The following ZNF385D variants were observed in gnomAD, a reference collection of about 807,000 sequenced individuals.
ZNF385D encodes zinc finger protein 659.
In ZNF385D, 15 loss-of-function variants were observed where a neutral mutation model predicts 35.8. The ratio of observed to expected loss-of-function variants is 0.42; its 90% CI spans 0.28 to 0.64. The LOEUF is 0.64. ZNF385D is among the 30% of genes least tolerant of loss of function. The probability of loss-of-function intolerance (pLI) is 0.23; values close to 1 mark genes in which losing one functional copy is unlikely to be tolerated. For missense variants in ZNF385D, 474 were observed against 494.6 expected (o/e 0.96, Z 0.39); for synonymous variants, 212 against 186.8 (o/e 1.13, Z -1.10).
chr3:22,358,046 GT>G (rs1487720666), intron 2 of ZNF385D, among the ~76,000 whole-genome samples: 1 of 151,854 alleles, frequency 6.6e-6, no homozygotes, highest in Non-Finnish European at 1.5e-5. Context: ...TATTTCCAAA[GT>G]TTGTACCTTA....
intron 3 of ZNF385D, among the ~76,000 whole-genome samples, chr3:21,951,498 A>G (rs146225647): frequency 2.0e-5 from 3 of 151,852 alleles, no homozygotes; most frequent in Non-Finnish European, 2.9e-5. Flanking sequence ...ATCTGCAAAC[A>G]CAGACAATTT....
chr3:21,810,546 A>G (rs1050677301), intron 3 of ZNF385D, among the ~76,000 whole-genome samples: 4 of 151,724 alleles, frequency 2.6e-5, no homozygotes, highest in Admixed American at 6.6e-5. Flanking sequence ...ATGTGTGTGT[A>G]TGTATGTATG....
intron 2 of ZNF385D, chr3:21,580,081 T>C (rs1016479792): frequency 1.3e-5 from 2 of 152,184 alleles, no homozygotes; most frequent in Non-Finnish European, 2.9e-5. Flanking sequence ...TGGGAAATTT[T>C]ACTCAGGCAT....
At chr3:21,819,853 A>C (rs1439986677) in intron 3 of ZNF385D, among the ~76,000 whole-genome samples, 2 of 148,228 alleles carry the variant, frequency 1.3e-5, no homozygotes, top group African/African-American at 4.9e-5. Context: ...ATATATACAT[A>C]AATATACACA....
rs554608800 is a variant in ZNF385D at position 22,138,734 on chromosome 3, T to G, written c.325+30083A>C. Among the ~76,000 whole-genome samples, 12 of 152,180 alleles carry G rather than the reference T, an allele frequency of 7.9e-5. No individual in the cohort carries two copies. In the East Asian group the frequency reaches 1.7e-3, roughly 22 times the overall value. On this transcript the variant is annotated intron_variant, in intron 3 of 5. Transcript: ENST00000494108. ...AAACCCTAGAAGAAAACCTAGGCAA[T>G]ACCATTCAGGACATAGGCATGGGCA...
chr3:21,531,056 T>A (rs2061910444), intron 3 of ZNF385D, among the ~76,000 whole-genome samples: 1 of 152,152 alleles, frequency 6.6e-6, no homozygotes, highest in Admixed American at 6.5e-5. Context: ...ATTAAGTTCA[T>A]AATACATGAT....
intron 3 of ZNF385D, among the ~76,000 whole-genome samples, chr3:21,913,435 T>C (rs1418795872): frequency 1.3e-5 from 2 of 152,134 alleles, no homozygotes; most frequent in East Asian, 1.9e-4. Flanking sequence ...TGTATGAGTT[T>C]TGTATTACAA....
intron 3 of ZNF385D, among the ~76,000 whole-genome samples, chr3:21,927,465 T>C (rs2125237957): frequency 6.6e-6 from 1 of 152,294 alleles, no homozygotes; most frequent in South Asian, 2.1e-4. Flanking sequence ...TCGTATGTTC[T>C]TCAACTGGTA....
intron 2 of ZNF385D, among the ~76,000 whole-genome samples, chr3:21,663,915 A>ATATTTATT (rs1553633457): frequency 1.3e-3 from 136 of 105,420 alleles, no homozygotes; most frequent in East Asian, 4.2e-3. Context: ...ATATATATAT[A>ATATTTATT]TATTTATTTA....
chr3:21,806,332 G>A (rs1225515486), intron 3 of ZNF385D, among the ~76,000 whole-genome samples: 2 of 151,792 alleles, frequency 1.3e-5, no homozygotes, highest in Non-Finnish European at 2.9e-5. Context: ...AGTCTCCCGA[G>A]CAGCTGGGAC....
At chr3:21,588,941 C>T (rs2063892216) in intron 2 of ZNF385D, among the ~76,000 whole-genome samples, 2 of 152,064 alleles carry the variant, frequency 1.3e-5, no homozygotes, top group Admixed American at 6.6e-5. Flanking sequence ...TATTACTGAG[C>T]ATTTATTATG....
At chr3:22,217,472 G>C (rs561445309) in intron 2 of ZNF385D, among the ~76,000 whole-genome samples, 5 of 152,066 alleles carry the variant, frequency 3.3e-5, no homozygotes, top group African/African-American at 4.8e-5. Context: ...CTTCACTCCA[G>C]TATGACCTCT....
At chr3:21,431,622 G>A (rs991340080) in intron 5 of ZNF385D, among the ~76,000 whole-genome samples, 3 of 152,230 alleles carry the variant, frequency 2.0e-5, no homozygotes, top group East Asian at 1.9e-4. Context: ...ATTCAAATAT[G>A]CCCTGTATGG....
intron 3 of ZNF385D, among the ~76,000 whole-genome samples, chr3:22,141,416 A>T (rs759619658): frequency 3.3e-5 from 5 of 152,218 alleles, no homozygotes; most frequent in Non-Finnish European, 7.3e-5. Context: ...AATTGTTTTC[A>T]CACTTACACT....
At chr3:21,660,890 G>A (rs1287459771) in intron 2 of ZNF385D, among the ~76,000 whole-genome samples, 1 of 152,164 alleles carries the variant, frequency 6.6e-6, no homozygotes, top group Non-Finnish European at 1.5e-5. Context: ...TCTGCATAGT[G>A]CTTTTCATTC....
intron 1 of ZNF385D, among the ~76,000 whole-genome samples, chr3:21,702,934 C>T (rs1014746182): frequency 5.9e-5 from 9 of 152,198 alleles, no homozygotes; most frequent in Admixed American, 5.2e-4. Flanking sequence ...TTCAACAAGT[C>T]TCTAGGAAGT....
chr3:21,787,961 AAAAAAAAAAAAAAAAAAAAAAG>A (rs1291147191), intron 3 of ZNF385D, among the ~76,000 whole-genome samples: 2 of 40,574 alleles, frequency 4.9e-5, no homozygotes, highest in Non-Finnish European at 1.4e-4. Context: ...AAAAAAAAAA[AAAAAAAAAAAAAAAAAAAAAAG>A]AGAGAGAGAG....
chr3:22,246,951 GCA>G (rs140369350), intron 2 of ZNF385D, among the ~76,000 whole-genome samples: 1 of 152,042 alleles, frequency 6.6e-6, no homozygotes, highest in Admixed American at 6.6e-5. Flanking sequence ...ATACATACGT[GCA>G]CACACACAAT....
chr3:21,529,264 C>T lies in ZNF385D; in HGVS notation c.277-18241G>A, dbSNP rs148307989. Among the ~76,000 whole-genome samples the T allele has an allele frequency of 4.1e-4, 63 of 152,180 alleles. 1 individual carries two copies. Among genetic ancestry groups the T allele is most frequent in the East Asian group, 2.3e-3 (12 of 5,180 alleles). On this transcript the variant is annotated intron_variant, in intron 3 of 7. Coordinates refer to ENST00000281523, the MANE Select transcript of ZNF385D (RefSeq NM_024697.3). ...TAACGTCTTTGTGCCACAGTGCAAT[C>T]GAATTTTGGTTTCTGATATTCCTCT...
Sources: allele counts gnomAD v4.1 joint callset (sites outside exome capture counted in the v4.1 genomes callset), GRCh38; gene constraint gnomAD v4.1.1; transcripts MANE v1.5; gene names NCBI Gene and HGNC (gene_info 2026-07-23, HGNC 2026-07-21).